Variants in NBEA observed in about 807,000 individuals in gnomAD.
NBEA encodes the protein lysosomal-trafficking regulator 2.
NBEA carries 44 observed loss-of-function variants against 343.4 expected under a neutral mutation model. The observed-to-expected ratio is 0.13, with a 90% confidence interval of 0.10 to 0.16. NBEA has a LOEUF of 0.16. Ranked by LOEUF, NBEA falls within the 10% of genes least tolerant of loss-of-function variation. The probability of loss-of-function intolerance (pLI) is 1.00; values close to 1 mark genes in which losing one functional copy is unlikely to be tolerated. For missense variants in NBEA, 2,555 were observed against 3,631.3 expected, an observed-to-expected ratio of 0.70 and a Z score of 7.62; for synonymous variants, 1,175 against 1,238.7, an observed-to-expected ratio of 0.95 and a Z score of 1.08.
rs569894241 is a variant in NBEA at position 35,521,072 on chromosome 13, G to A, written c.6586-29405G>A. 5.3e-5 allele frequency among the ~76,000 whole-genome samples: 8 copies of A among 152,090 alleles called. No homozygotes were observed. In the South Asian group the frequency reaches 1.7e-3, roughly 32 times the overall value. ...AGCATTTTCATTGCTGGGTGTTGGA[G>A]GCCTTGTTTTGGTTTCAAATCACAC... On this transcript the variant is annotated intron_variant, in intron 41 of 58. Transcript: ENST00000379939.
intron 43 of NBEA, among the ~76,000 whole-genome samples, chr13:35,552,919 C>T (rs911123850): frequency 2.0e-5 from 3 of 151,680 alleles, no homozygotes; most frequent in Non-Finnish European, 4.4e-5. Flanking sequence ...GAGACAAGGT[C>T]TCACTCTGTC....
At chr13:35,247,122 C>T (rs1461315944) in intron 34 of NBEA, among the ~76,000 whole-genome samples, 1 of 152,168 alleles carries the variant, frequency 6.6e-6, no homozygotes, top group Admixed American at 6.5e-5. Context: ...GATGGCCGGT[C>T]TCATTCCAAC....
chr13:35,070,617 C>T, intron 9 of NBEA, 102 bp from the exon 10 acceptor site: 1 of 1,067,434 alleles, frequency 9.4e-7, no homozygotes, highest in Non-Finnish European at 1.3e-6. Flanking sequence ...TAAAAATGTC[C>T]AAGTATGTTA....
chr13:35,124,157 A>C (rs1398556124), intron 17 of NBEA, among the ~76,000 whole-genome samples: 6 of 151,790 alleles, frequency 4.0e-5, no homozygotes, highest in African/African-American at 7.3e-5. Context: ...ATGTTTTAAG[A>C]GTATATTTTC....
intron 4 of NBEA, among the ~76,000 whole-genome samples, chr13:35,048,311 C>A (rs1185019773): frequency 6.6e-6 from 1 of 151,858 alleles, no homozygotes; most frequent in Non-Finnish European, 1.5e-5. Flanking sequence ...GTCTGAAACC[C>A]GCTATGTAAT....
chr13:35,279,208 T>C (rs1241539218), intron 34 of NBEA, among the ~76,000 whole-genome samples: 2 of 152,186 alleles, frequency 1.3e-5, no homozygotes, highest in African/African-American at 4.8e-5. Flanking sequence ...AAGTACTATT[T>C]TGTAAAACAT....
chr13:35,170,172 A>C (rs968754384), intron 25 of NBEA, among the ~76,000 whole-genome samples: 1 of 151,678 alleles, frequency 6.6e-6, no homozygotes, highest in Admixed American at 6.6e-5. Context: ...TTTTCTGCTC[A>C]CGTTTCCATG....
chr13:35,419,052 T>G (rs1300507745), intron 38 of NBEA, among the ~76,000 whole-genome samples: 4 of 152,080 alleles, frequency 2.6e-5, no homozygotes, highest in Non-Finnish European at 5.9e-5. Flanking sequence ...TTTTAATAAT[T>G]TTGTACATGA....
intron 41 of NBEA, among the ~76,000 whole-genome samples, chr13:35,548,698 CA>C (rs34239045): frequency 2.0e-5 from 3 of 150,946 alleles, no homozygotes; most frequent in East Asian, 1.9e-4. Flanking sequence ...TCCTACTTGA[CA>C]AAAAAAAGAG....
At chr13:35,426,391 T>G (rs1472112136) in intron 38 of NBEA, among the ~76,000 whole-genome samples, 2 of 152,190 alleles carry the variant, frequency 1.3e-5, no homozygotes, top group Admixed American at 6.5e-5. Context: ...GTTTTTTATT[T>G]CTCCTTCACT....
intron 10 of NBEA, 148 bp from the exon 11 acceptor site, chr13:35,098,149 C>T (rs2065434984): frequency 2.1e-6 from 1 of 485,110 alleles, no homozygotes; most frequent in Non-Finnish European, 3.6e-6. Flanking sequence ...TATATTCTTT[C>T]ATAATATAAG....
intron 36 of NBEA, among the ~76,000 whole-genome samples, chr13:35,324,785 G>A (rs963630687): frequency 9.2e-5 from 14 of 152,082 alleles, no homozygotes; most frequent in African/African-American, 3.4e-4. Context: ...GACTTTAGAA[G>A]GAGCTATTTC....
chr13:35,259,233 A>C (rs2032977927), intron 34 of NBEA, among the ~76,000 whole-genome samples: 1 of 152,160 alleles, frequency 6.6e-6, no homozygotes. Context: ...TTAGCTCGGC[A>C]CCAGACTCAA....
At chr13:35,520,666 C>T in intron 41 of NBEA, among the ~76,000 whole-genome samples, 1 of 152,080 alleles carries the variant, frequency 6.6e-6, no homozygotes, top group East Asian at 1.9e-4. Context: ...AATTGATTCC[C>T]CTATTTCTCT....
chr13:35,335,884 A>C (rs146065432), intron 36 of NBEA, among the ~76,000 whole-genome samples: 1 of 152,096 alleles, frequency 6.6e-6, no homozygotes. Context: ...GGCTACATGC[A>C]TCCTCTGGAC....
chr13:35,638,264 A>G (rs902470493), intron 49 of NBEA, among the ~76,000 whole-genome samples: 1 of 152,234 alleles, frequency 6.6e-6, no homozygotes, highest in Admixed American at 6.5e-5. Context: ...TGTGTTATAT[A>G]TATTCTACCA....
chr13:35,417,218 T>C (rs1183289379), intron 38 of NBEA, among the ~76,000 whole-genome samples: 1 of 152,178 alleles, frequency 6.6e-6, no homozygotes. Context: ...TTGAAGGGTT[T>C]TTTGTGTCTC....
intron 49 of NBEA, among the ~76,000 whole-genome samples, chr13:35,633,719 C>G (rs1293028866): frequency 6.6e-6 from 1 of 151,896 alleles, no homozygotes; most frequent in Non-Finnish European, 1.5e-5. Context: ...AATACTTAAA[C>G]TATAAAGCAC....
intron 36 of NBEA, among the ~76,000 whole-genome samples, chr13:35,322,683 A>C (rs2038245664): frequency 6.6e-6 from 1 of 152,204 alleles, no homozygotes; most frequent in Non-Finnish European, 1.5e-5. Flanking sequence ...CTTTTACAAA[A>C]TTACCTGCAT....
Sources: allele counts gnomAD v4.1 joint callset (sites outside exome capture counted in the v4.1 genomes callset), GRCh38; gene constraint gnomAD v4.1.1; transcripts MANE v1.5; gene names NCBI Gene and HGNC (gene_info 2026-07-23, HGNC 2026-07-21).